Variants in DNAH7 observed in about 807,000 individuals in gnomAD.
DNAH7 encodes the protein dynein axonemal heavy chain 7.
Under a neutral mutation model 444.6 loss-of-function variants are expected in DNAH7, and 397 were observed. That is an observed-to-expected ratio of 0.89 (90% CI 0.82 to 0.97). DNAH7 has a LOEUF of 0.97. DNAH7 is among the 50% of genes least tolerant of loss of function. The probability of loss-of-function intolerance (pLI) is 0.00; values close to 1 mark genes in which losing one functional copy is unlikely to be tolerated. For missense variants in DNAH7, 4,902 were observed against 4,800.8 expected (o/e 1.02, Z -0.62); for synonymous variants, 1,636 against 1,624.4 (o/e 1.01, Z -0.17).
intron 36 of DNAH7, among the ~76,000 whole-genome samples, chr2:195,878,201 T>C (rs535763816): frequency 1.3e-5 from 2 of 152,328 alleles, no homozygotes; most frequent in South Asian, 4.1e-4. Flanking sequence ...GCCTACATGA[T>C]GTACAATGTA....
At chr2:195,862,915 A>G (rs1214968468) in intron 41 of DNAH7, among the ~76,000 whole-genome samples, 2 of 152,204 alleles carry the variant, frequency 1.3e-5, no homozygotes, top group African/African-American at 2.4e-5. Context: ...GGGTGCCTGT[A>G]ATCCCAGCTA....
At chr2:195,802,708 CAAAAAT>C (rs1283908962) in intron 54 of DNAH7, among the ~76,000 whole-genome samples, 2 of 150,514 alleles carry the variant, frequency 1.3e-5, no homozygotes, top group Non-Finnish European at 3.0e-5. Flanking sequence ...AAAAAAAAAA[CAAAAAT>C]TTTGTATAAA....
intron 39 of DNAH7, 67 bp from the exon 40 acceptor site, chr2:195,872,536 A>C (rs1700780326): frequency 9.3e-7 from 1 of 1,071,248 alleles, no homozygotes; most frequent in East Asian, 2.7e-5. Context: ...CACAAAAAGG[A>C]TATTTAGCAG....
chr2:195,862,412 G>A (rs1202113737), intron 41 of DNAH7, among the ~76,000 whole-genome samples: 1 of 152,082 alleles, frequency 6.6e-6, no homozygotes, highest in Non-Finnish European at 1.5e-5. Flanking sequence ...GAAGATTCCA[G>A]TAGCATCCAA....
chr2:195,802,744 A>AT (rs1696533327), intron 54 of DNAH7, among the ~76,000 whole-genome samples: 1 of 152,092 alleles, frequency 6.6e-6, no homozygotes, highest in Non-Finnish European at 1.5e-5. Flanking sequence ...TGCAAGTGCA[A>AT]TTTTTTACAT....
Position 195,865,034 on chromosome 2 carries a change from T to A in DNAH7, c.6634-13A>T, listed in dbSNP as rs1175789563. The A allele has an allele frequency of 6.5e-7, 1 of 1,546,008 alleles. No individual in the cohort carries two copies. Among genetic ancestry groups the A allele is most frequent in the East Asian group, 2.3e-5 (1 of 44,384 alleles). On this transcript the variant is annotated splice_polypyrimidine_tract_variant and intron_variant, in intron 40 of 64. Transcript: ENST00000312428. ...ACACTCGAAGGACCTGTATAATAAT[T>A]AAAAAGCAGCTTTAGAAACTTTCTT...
At chr2:195,781,674 C>T (rs1315996462) in intron 58 of DNAH7, among the ~76,000 whole-genome samples, 1 of 151,488 alleles carries the variant, frequency 6.6e-6, no homozygotes, top group Admixed American at 6.6e-5. Flanking sequence ...TAGCAAAACA[C>T]ACACACACAC....
At chr2:195,950,287 T>C (rs1690130802) in intron 19 of DNAH7, among the ~76,000 whole-genome samples, 1 of 152,258 alleles carries the variant, frequency 6.6e-6, no homozygotes, top group Non-Finnish European at 1.5e-5. Context: ...TTTCAGAACT[T>C]GTTATTAGTC....
In DNAH7 at chr2:195,865,015, G is replaced by A. The variant is rs777339524; in HGVS notation, c.6640C>T (p.Arg2214Ter). ...IKRLWVHEVL[R>*]VYYDRLLDNT... is the part of the protein sequence containing the mutation. ...TCCAGAAGGCGGTCATAATACACTCGAAGGACCTGTATAATAATTAAAAAG... is the reference window on the plus strand; with the variant it reads ...TCCAGAAGGCGGTCATAATACACTCAAAGGACCTGTATAATAATTAAAAAG... The change falls in exon 41 of 65, where the codon CGA becomes TGA. Residue 2214 changes from arginine (R) to a stop codon, truncating the protein, a stop_gained. Transcript: ENST00000312428. LOFTEE classifies it high-confidence loss of function. The A allele has an allele frequency of 8.2e-6, 13 of 1,587,906 alleles. No homozygotes were observed. In the East Asian group the frequency reaches 1.8e-4, roughly 22 times the overall value.
chr2:196,000,659 T>C (rs768935085), intron 12 of DNAH7, 45 bp downstream of exon 12: 6 of 1,385,228 alleles, frequency 4.3e-6, no homozygotes, highest in Admixed American at 2.5e-5. Context: ...TTGAAGTGAA[T>C]GTCATTATGC....
chr2:195,845,311 T>A, intron 46 of DNAH7, 146 bp from the exon 47 acceptor site: 1 of 613,312 alleles, frequency 1.6e-6, no homozygotes, highest in Non-Finnish European at 2.6e-6. Flanking sequence ...TTTCTCAGAT[T>A]CTTATTTCAA....
chr2:195,750,421 ACTT>A (rs1693727414), intron 63 of DNAH7, among the ~76,000 whole-genome samples: 1 of 152,226 alleles, frequency 6.6e-6, no homozygotes, highest in Non-Finnish European at 1.5e-5. Flanking sequence ...TGCTGCTCAA[ACTT>A]CAACCCAAAT....
chr2:195,789,693 C>A (rs1295407069), intron 57 of DNAH7, among the ~76,000 whole-genome samples: 2 of 151,944 alleles, frequency 1.3e-5, no homozygotes, highest in Non-Finnish European at 2.9e-5. Context: ...CAGATGTGAT[C>A]TCTGAGCATA....
rs754467636 is a variant in DNAH7, at chr2:195,876,577, C to T, written c.6084G>A (p.Lys2028=). Residue 2028 remains lysine (K), a synonymous_variant, in exon 37 of 65, where the codon AAG becomes AAA. Coordinates refer to ENST00000312428, the MANE Select transcript of DNAH7 (RefSeq NM_018897.3). ...IVMSKLDKRR[K]GVFGPPLGKR... ...TGCCCAAAGGAGGACCAAAAACTCC[C>T]TTTCTTCTCTTGTCCAATTTTGACA... 1 of 1,613,738 alleles carries T rather than the reference C, an allele frequency of 6.2e-7. No individual in the cohort carries two copies. Among genetic ancestry groups the T allele is most frequent in the Non-Finnish European group, 8.5e-7 (1 of 1,179,882 alleles).
At chr2:196,007,714 C>T (rs967946770) in intron 10 of DNAH7, among the ~76,000 whole-genome samples, 2 of 152,166 alleles carry the variant, frequency 1.3e-5, no homozygotes, top group Non-Finnish European at 2.9e-5. Context: ...AGTTCCCCTA[C>T]ACATGCCCTC....
chr2:195,952,397 T>C (rs1296666362), intron 19 of DNAH7, among the ~76,000 whole-genome samples: 1 of 152,178 alleles, frequency 6.6e-6, no homozygotes, highest in Non-Finnish European at 1.5e-5. Context: ...ATCTGACGAC[T>C]ATGTGTCTTG....
chr2:195,847,934 G>A (rs945445203), intron 46 of DNAH7, among the ~76,000 whole-genome samples: 7 of 152,132 alleles, frequency 4.6e-5, no homozygotes, highest in Non-Finnish European at 1.5e-5. Flanking sequence ...GAACCCGGGC[G>A]GTACTACAAG....
At chr2:195,741,327 C>T (rs537040053) in intron 63 of DNAH7, among the ~76,000 whole-genome samples, 2 of 152,280 alleles carry the variant, frequency 1.3e-5, no homozygotes, top group Non-Finnish European at 2.9e-5. Context: ...TTAAATTGCT[C>T]CTCCCCTTTT....
At chr2:195,849,419 A>C (rs1699213828) in intron 46 of DNAH7, among the ~76,000 whole-genome samples, 1 of 152,168 alleles carries the variant, frequency 6.6e-6, no homozygotes, top group African/African-American at 2.4e-5. Flanking sequence ...TTGGAGGTGA[A>C]GATCATAGGG....
Sources: allele counts gnomAD v4.1 joint callset (sites outside exome capture counted in the v4.1 genomes callset), GRCh38; gene constraint gnomAD v4.1.1; transcripts MANE v1.5; gene names NCBI Gene and HGNC (gene_info 2026-07-23, HGNC 2026-07-21).